STK10: variants seen among roughly 807,000 people sequenced by gnomAD.
STK10 encodes the protein serine/threonine kinase 10, also known as serine/threonine-protein kinase 10.
Under a neutral mutation model 113.8 loss-of-function variants are expected in STK10, and 78 were observed. The ratio of observed to expected loss-of-function variants is 0.69; its 90% confidence interval spans 0.57 to 0.83. STK10 has a LOEUF of 0.83. STK10 is among the 40% of genes least tolerant of loss of function. The pLI is 0.00. For missense variants in STK10, 1,109 were observed against 1,280.1 expected (o/e 0.87, Z 2.04); for synonymous variants, 465 against 494.7 (o/e 0.94, Z 0.80).
intron 2 of STK10, among the ~76,000 whole-genome samples, chr5:172,155,942 C>T (rs1275913776): frequency 6.6e-6 from 1 of 151,890 alleles, no homozygotes; most frequent in African/African-American, 2.4e-5. Context: ...GTGTAGTGAG[C>T]CAAGATCACA....
At chr5:172,067,042 T>C (rs1768087249) in intron 12 of STK10, among the ~76,000 whole-genome samples, 1 of 152,232 alleles carries the variant, frequency 6.6e-6, no homozygotes, top group South Asian at 2.1e-4. Context: ...ACCCACAGTC[T>C]ACAGAACATA....
At position 172,152,568 on chromosome 5, in the gene STK10, T is replaced by C. The variant is rs186769895; in HGVS notation, c.321+4056A>G. On this transcript the variant is annotated intron_variant, in intron 2 of 18. Transcript: ENST00000176763. ...GTCCAATATGGGAGACACTAACACATGTGCTACTGAGTGTTCGAAATGTGG... is the reference window on the plus strand; with the variant it reads ...GTCCAATATGGGAGACACTAACACACGTGCTACTGAGTGTTCGAAATGTGG... Among the ~76,000 whole-genome samples, 10 of 152,322 alleles carry C rather than the reference T, an allele frequency of 6.6e-5. No individual in the cohort carries two copies. In the East Asian group the frequency reaches 9.6e-4, roughly 15 times the overall value.
rs761928393 is a variant in STK10, at chr5:172,083,021, C to A, written c.1749G>T (p.Leu583=). 1 of 1,614,136 alleles carries A rather than the reference C, an allele frequency of 6.2e-7. No individual in the cohort carries two copies. Residue 583 remains leucine, a synonymous_variant, in exon 11 of 19, where the codon CTG becomes CTT. Coordinates refer to ENST00000176763, the MANE Select transcript of STK10 (RefSeq NM_005990.4). ...QKEEHRNQTQ[L]SNKHELQLEQ... ...CCAGCTGCAGCTCATGCTTGTTACTCAGCTGGGTCTGGTTCCGATGCTCTT... is the reference window on the plus strand; with the variant it reads ...CCAGCTGCAGCTCATGCTTGTTACTAAGCTGGGTCTGGTTCCGATGCTCTT...
chr5:172,096,458 C>A lies in STK10; in HGVS notation c.973G>T (p.Gly325Trp), dbSNP rs1444172673. 6.2e-7 allele frequency: 1 copy of A among 1,613,312 alleles called. No individual in the cohort carries two copies. The highest frequency in any genetic ancestry group is 8.5e-7 in the Non-Finnish European group (1 of 1,180,006). ...GCATCCACGGCGTCCTCCTCTTCCCCCTCATCCCGGCCGTCTTCGATCTCT... is the reference window on the plus strand; with the variant it reads ...GCATCCACGGCGTCCTCCTCTTCCCACTCATCCCGGCCGTCTTCGATCTCT... ...MEEIEDGRDEGEEEDAVDAAS... is the reference protein window; with the variant it reads ...MEEIEDGRDEWEEEDAVDAAS... Residue 325 changes from glycine to tryptophan, a missense_variant, in exon 8 of 19, where the codon GGG (glycine) becomes TGG (tryptophan). This residue lies in a region of STK10 where 885 missense variants were observed against 991.1 expected (regional missense o/e 0.89). Coordinates refer to ENST00000176763, the MANE Select transcript of STK10 (RefSeq NM_005990.4).
At chr5:172,115,625 C>T (rs1056766238) in intron 4 of STK10, among the ~76,000 whole-genome samples, 2 of 152,106 alleles carry the variant, frequency 1.3e-5, no homozygotes, top group African/African-American at 2.4e-5. Context: ...CTAAGAGAGG[C>T]GACAAGAGGG....
At chr5:172,085,515 C>T (rs1768533241) in intron 10 of STK10, among the ~76,000 whole-genome samples, 1 of 151,678 alleles carries the variant, frequency 6.6e-6, no homozygotes, top group South Asian at 2.1e-4. Flanking sequence ...ATGGTGAAAC[C>T]CCATCTCTAC....
intron 18 of STK10, among the ~76,000 whole-genome samples, chr5:172,049,916 C>T (rs1014325791): frequency 2.6e-5 from 4 of 152,200 alleles, no homozygotes; most frequent in Non-Finnish European, 4.4e-5. Context: ...GATTCTCCTG[C>T]CTCAGCCGCC....
chr5:172,100,343 G>A (rs1484359741), intron 7 of STK10, among the ~76,000 whole-genome samples: 2 of 152,188 alleles, frequency 1.3e-5, no homozygotes, highest in East Asian at 3.8e-4. Context: ...TGCCATCTTT[G>A]CTGAAAAAGG....
chr5:172,152,598 G>A (rs1264673556), intron 2 of STK10, among the ~76,000 whole-genome samples: 2 of 152,134 alleles, frequency 1.3e-5, no homozygotes, highest in Admixed American at 1.3e-4. Flanking sequence ...ATGTGGCGAC[G>A]GTAGAGACCT....
At position 172,133,101 on chromosome 5, in the gene STK10, T is replaced by C. The variant is rs989362894; in HGVS notation, c.322-5680A>G. Among the ~76,000 whole-genome samples the C allele has an allele frequency of 2.6e-5, 4 of 152,258 alleles. No homozygotes were observed. The highest frequency in any genetic ancestry group is 9.6e-5 in the African/African-American group (4 of 41,542). Reference sequence around the variant, plus strand: ...AAGCGGGTAATGGCGGAGCATTCCATGGGGTTCCAAAGGATGGGAATCCAG... The same window carrying C: ...AAGCGGGTAATGGCGGAGCATTCCACGGGGTTCCAAAGGATGGGAATCCAG... On this transcript the variant is annotated intron_variant, in intron 2 of 18. Transcript: ENST00000176763. This position sits in a 1 kb window ranked among gnomAD's most constrained non-coding sequence, Gnocchi z 4.9.
chr5:172,139,540 C>A (rs1374731794), intron 2 of STK10, among the ~76,000 whole-genome samples: 1 of 150,660 alleles, frequency 6.6e-6, no homozygotes, highest in Non-Finnish European at 1.5e-5. Flanking sequence ...GAAATAAAAC[C>A]TTGACATATA....
chr5:172,076,828 T>G (rs1042482827), intron 12 of STK10, among the ~76,000 whole-genome samples: 1 of 152,142 alleles, frequency 6.6e-6, no homozygotes, highest in East Asian at 1.9e-4. Flanking sequence ...CATCATACAA[T>G]TTAAAGGCCT....
chr5:172,082,912 C>T lies in STK10; in HGVS notation c.1809+49G>A, dbSNP rs764261607. The T allele has an allele frequency of 6.2e-7, 1 of 1,603,572 alleles. No homozygotes were observed. Reference sequence around the variant, plus strand: ...CACTATGTAGCTTCCACTGAGAGAACACCTGGAGGCAAGAAGCCCTGCAGG... The same window carrying T: ...CACTATGTAGCTTCCACTGAGAGAATACCTGGAGGCAAGAAGCCCTGCAGG... On this transcript the variant is annotated intron_variant, in intron 11 of 18. Coordinates refer to ENST00000176763, the MANE Select transcript of STK10 (RefSeq NM_005990.4). This position sits in a 1 kb window ranked among gnomAD's most constrained non-coding sequence, Gnocchi z 4.3.
intron 10 of STK10, among the ~76,000 whole-genome samples, chr5:172,084,793 G>T (rs973015319): frequency 6.6e-6 from 1 of 151,996 alleles, no homozygotes; most frequent in Non-Finnish European, 1.5e-5. Context: ...TATACTTACT[G>T]AACGAGCATC....
At chr5:172,057,004 G>GAGAGAGAGAGAGAGAGAGAAA (rs1554115578) in intron 15 of STK10, 1 of 73,394 alleles carries the variant, frequency 1.4e-5, no homozygotes, top group African/African-American at 5.1e-5. Context: ...AGAGAAAGAA[G>GAGAGAGAGAGAGAGAGAGAAA]GAAAGAAAGA....
intron 1 of STK10, among the ~76,000 whole-genome samples, chr5:172,167,635 G>A (rs948552276): frequency 3.3e-5 from 5 of 152,270 alleles, no homozygotes; most frequent in Admixed American, 2.0e-4. Context: ...TCGTTCTTTC[G>A]GAACCCACAT....
intron 1 of STK10, among the ~76,000 whole-genome samples, chr5:172,173,699 G>GCACC (rs1431313923): frequency 6.6e-6 from 1 of 152,188 alleles, no homozygotes; most frequent in African/African-American, 2.4e-5. Flanking sequence ...CCACCCAGAA[G>GCACC]CACCCTGCAG....
rs1354838858 is a variant in STK10 at position 172,057,378 on chromosome 5, G to A, written c.2308C>T (p.Arg770Trp). 3.8e-6 allele frequency: 6 copies of A among 1,565,582 alleles called. No individual in the cohort carries two copies. Among genetic ancestry groups the A allele is most frequent in the South Asian group, 1.2e-5 (1 of 85,624 alleles). The change falls in exon 15 of 19, where the codon CGG (arginine) becomes TGG (tryptophan). Residue 770 changes from arginine to tryptophan, a missense_variant. Coordinates refer to ENST00000176763, the MANE Select transcript of STK10 (RefSeq NM_005990.4). Reference protein sequence around the residue: ...QQLKDQYFLQRHELLRKHEKE... With the variant: ...QQLKDQYFLQWHELLRKHEKE... Reference sequence around the variant, plus strand: ...TCATGCTTGCGCAGCAGCTCGTGCCGCTGGAGGAAGTACTGGTCTTTGAGC... The same window carrying A: ...TCATGCTTGCGCAGCAGCTCGTGCCACTGGAGGAAGTACTGGTCTTTGAGC...
intron 2 of STK10, among the ~76,000 whole-genome samples, chr5:172,143,289 C>T (rs1328939851): frequency 6.6e-6 from 1 of 152,062 alleles, no homozygotes. Context: ...TAGCTTGAAC[C>T]GGGAGGCAGA....
Sources: allele counts gnomAD v4.1 joint callset (sites outside exome capture counted in the v4.1 genomes callset), GRCh38; gene constraint gnomAD v4.1.1; regional missense constraint gnomAD v4.1.1; non-coding constraint Gnocchi (gnomAD v3.1); transcripts MANE v1.5; gene names NCBI Gene and HGNC (gene_info 2026-07-23, HGNC 2026-07-21).